Variants in CNOT6L observed in about 807,000 individuals in gnomAD.
CNOT6L encodes the protein CCR4-NOT transcription complex subunit 6 like, also known as CCR4-NOT transcription complex subunit 6-like.
A neutral mutation model predicts 64.0 loss-of-function variants in CNOT6L; 7 were observed. The ratio of observed to expected loss-of-function variants is 0.11; its 90% CI spans 0.06 to 0.21. CNOT6L has a LOEUF of 0.21. CNOT6L is among the 10% of genes least tolerant of loss of function. The pLI is 1.00. For missense variants in CNOT6L, 245 were observed against 669.0 expected (o/e 0.37, Z 6.99); for synonymous variants, 193 against 243.4 (o/e 0.79, Z 1.93).
In CNOT6L at chr4:77,713,693, T is replaced by C. The variant is rs895171271; in HGVS notation, c.*6738A>G. 6.6e-6 allele frequency: 1 copy of C among 152,602 alleles called. No individual in the cohort carries two copies. The highest frequency in any genetic ancestry group is 2.4e-5 in the African/African-American group (1 of 41,456). 9.5% of individuals were successfully genotyped at this position (152,602 alleles called of 1,614,324 possible). ...CACGCACACTTTGTACAGTGTCTATTGTGAAAAACATCTCAGCTGAGCAGT... is the reference window on the plus strand; with the variant it reads ...CACGCACACTTTGTACAGTGTCTATCGTGAAAAACATCTCAGCTGAGCAGT... On this transcript the variant is annotated 3_prime_UTR_variant, in exon 12 of 12. Coordinates refer to ENST00000504123, the MANE Select transcript of CNOT6L (RefSeq NM_144571.3).
At chr4:77,788,918 A>G (rs976034397) in intron 1 of CNOT6L, among the ~76,000 whole-genome samples, 1 of 152,076 alleles carries the variant, frequency 6.6e-6, no homozygotes, top group African/African-American at 2.4e-5. Context: ...TAAGGTAGTT[A>G]AATAAAATAC....
chr4:77,732,194 T>C (rs1577925415), intron 8 of CNOT6L, among the ~76,000 whole-genome samples: 1 of 150,910 alleles, frequency 6.6e-6, no homozygotes, highest in East Asian at 1.9e-4. Context: ...AAGAAATGAC[T>C]CTCTCTGTGA....
chr4:77,760,895 T>TTTTTTTTTTTTTTTG, intron 4 of CNOT6L, among the ~76,000 whole-genome samples: 1 of 120,932 alleles, frequency 8.3e-6, no homozygotes, highest in Middle Eastern at 4.9e-3. Flanking sequence ...TTTTTTTTTT[T>TTTTTTTTTTTTTTTG]AAGGAAGAGA....
chr4:77,765,126 T>G (rs1000133609), intron 4 of CNOT6L, among the ~76,000 whole-genome samples: 4 of 152,040 alleles, frequency 2.6e-5, no homozygotes, highest in Admixed American at 6.6e-5. Flanking sequence ...GCAGTAAGAG[T>G]GACCTCCAAT....
At chr4:77,743,442 T>G (rs1723816282) in intron 7 of CNOT6L, among the ~76,000 whole-genome samples, 1 of 152,028 alleles carries the variant, frequency 6.6e-6, no homozygotes, top group South Asian at 2.1e-4. Flanking sequence ...TAGAAGAAAT[T>G]TTATTTTAAT....
At chr4:77,794,156 A>AAG (rs1730507488) in intron 1 of CNOT6L, among the ~76,000 whole-genome samples, 1 of 148,432 alleles carries the variant, frequency 6.7e-6, no homozygotes, top group Non-Finnish European at 1.5e-5. Flanking sequence ...GTCTCAAAAA[A>AAG]AAAAAAAAAA....
chr4:77,816,877 A>G (rs1482874450), intron 1 of CNOT6L, among the ~76,000 whole-genome samples: 1 of 152,096 alleles, frequency 6.6e-6, no homozygotes, highest in African/African-American at 2.4e-5. Flanking sequence ...CCATGACATT[A>G]TTTTTTCCAC....
At chr4:77,753,321 A>T (rs1231117144) in intron 5 of CNOT6L, among the ~76,000 whole-genome samples, 1 of 152,134 alleles carries the variant, frequency 6.6e-6, no homozygotes, top group East Asian at 1.9e-4. Context: ...CAACTTGACA[A>T]GGACACTGAA....
At chr4:77,818,750 TGGGCTCGCGC>T (rs1272693476) in intron 1 of CNOT6L, among the ~76,000 whole-genome samples, 7 of 151,984 alleles carry the variant, frequency 4.6e-5, no homozygotes, top group African/African-American at 1.4e-4. Context: ...GGCAGCGCCG[TGGGCTCGCGC>T]GGGCTCGCCG....
chr4:77,802,176 G>GT (rs1731659634), intron 1 of CNOT6L, among the ~76,000 whole-genome samples: 1 of 152,066 alleles, frequency 6.6e-6, no homozygotes, highest in South Asian at 2.1e-4. Context: ...ACAGTAATTT[G>GT]TAACTATTAA....
At chr4:77,760,413 G>A (rs1237200465) in intron 4 of CNOT6L, among the ~76,000 whole-genome samples, 1 of 151,752 alleles carries the variant, frequency 6.6e-6, no homozygotes, top group Non-Finnish European at 1.5e-5. Flanking sequence ...GAGTTAAAAT[G>A]GAAACATGAC....
At chr4:77,797,233 T>A (rs1419083602) in intron 1 of CNOT6L, among the ~76,000 whole-genome samples, 1 of 142,564 alleles carries the variant, frequency 7.0e-6, no homozygotes, top group Non-Finnish European at 1.5e-5. Flanking sequence ...TCATACTATA[T>A]AAAAAAAAAA....
At chr4:77,810,811 A>G (rs1444832707) in intron 1 of CNOT6L, among the ~76,000 whole-genome samples, 1 of 152,010 alleles carries the variant, frequency 6.6e-6, no homozygotes, top group African/African-American at 2.4e-5. Context: ...TACCCTTTCC[A>G]GCCTCTAGAA....
intron 4 of CNOT6L, among the ~76,000 whole-genome samples, chr4:77,762,654 T>A (rs1180633286): frequency 1.3e-5 from 2 of 152,174 alleles, no homozygotes; most frequent in Non-Finnish European, 2.9e-5. Context: ...ATTATATGGA[T>A]GTGCCACAGG....
At chr4:77,723,925 T>C (rs1721559647) in intron 11 of CNOT6L, among the ~76,000 whole-genome samples, 1 of 152,164 alleles carries the variant, frequency 6.6e-6, no homozygotes, top group Non-Finnish European at 1.5e-5. Flanking sequence ...CCAAATTGTG[T>C]TTCTCTGATT....
At chr4:77,789,505 T>C (rs1028907820) in intron 1 of CNOT6L, among the ~76,000 whole-genome samples, 2 of 151,952 alleles carry the variant, frequency 1.3e-5, no homozygotes, top group Non-Finnish European at 2.9e-5. Flanking sequence ...GGCAAGACCC[T>C]GTCTCTACAA....
intron 1 of CNOT6L, among the ~76,000 whole-genome samples, chr4:77,780,251 GT>G (rs1728706874): frequency 6.6e-6 from 1 of 152,168 alleles, no homozygotes; most frequent in Non-Finnish European, 1.5e-5. Context: ...AAAGAGAAAT[GT>G]TTTATTTGGG....
intron 1 of CNOT6L, among the ~76,000 whole-genome samples, chr4:77,777,974 T>C (rs1723893522): frequency 6.6e-6 from 1 of 152,224 alleles, no homozygotes; most frequent in African/African-American, 2.4e-5. Flanking sequence ...TCTGTTCATA[T>C]GTTAACAGTA....
intron 1 of CNOT6L, among the ~76,000 whole-genome samples, chr4:77,793,915 C>T (rs569182260): frequency 6.6e-6 from 1 of 152,032 alleles, no homozygotes; most frequent in East Asian, 1.9e-4. Context: ...CTATGGGAAG[C>T]TGCGGCGGGT....
Sources: gnomAD v4.1 joint callset for allele counts (sites outside exome capture counted in the v4.1 genomes callset) on GRCh38, gnomAD v4.1.1 for gene constraint, MANE v1.5 for transcripts, NCBI Gene and HGNC (gene_info 2026-07-23, HGNC 2026-07-21) for gene names.